ARHGAP8: variants seen among roughly 807,000 people sequenced by gnomAD.
ARHGAP8 encodes the protein Rho GTPase activating protein 8, also known as rho GTPase-activating protein 8.
ARHGAP8 carries 62 observed loss-of-function variants against 46.1 expected under a neutral mutation model. The ratio of observed to expected loss-of-function variants is 1.34; its 90% confidence interval spans 1.10 to 1.66. The LOEUF (loss-of-function observed/expected upper bound fraction) is 1.66. ARHGAP8 is among the 40% of genes most tolerant of loss of function. The probability of loss-of-function intolerance (pLI) is 0.00; values close to 1 mark genes in which losing one functional copy is unlikely to be tolerated. For missense variants in ARHGAP8, 923 were observed against 568.4 expected, an observed-to-expected ratio of 1.62 and a Z score of -6.34; for synonymous variants, 375 against 243.1, an observed-to-expected ratio of 1.54 and a Z score of -5.05.
chr22:44,859,952 C>A, intron 11 of ARHGAP8, 118 bp downstream of exon 11: 1 of 1,175,366 alleles, frequency 8.5e-7, no homozygotes, highest in Non-Finnish European at 1.2e-6. Flanking sequence ...GCTTGGGCCT[C>A]GGAATACCAC....
intron 4 of ARHGAP8, among the ~76,000 whole-genome samples, chr22:44,812,002 A>G (rs1176554511): frequency 3.3e-5 from 5 of 151,984 alleles, no homozygotes; most frequent in Non-Finnish European, 7.4e-5. Flanking sequence ...GTTTCAAAAA[A>G]AAAAAAAAAA....
At position 44,756,532 on chromosome 22, in the gene ARHGAP8, A is replaced by T. The variant is rs192187515; in HGVS notation, c.-72+3905A>T. On this transcript the variant is annotated intron_variant, in intron 1 of 11. Coordinates refer to ENST00000356099, the MANE Select transcript of ARHGAP8 (RefSeq NM_181335.3). ...CAATGAGCCGCCATCTCCCAGCGTC[A>T]ACTATAGCCACCCTGCAGCCAACCT... 3.0e-3 allele frequency among the ~76,000 whole-genome samples: 450 copies of T among 151,794 alleles called. 1 individual carries two copies. Among genetic ancestry groups the T allele is most frequent in the Non-Finnish European group, 5.1e-3 (346 of 67,926 alleles).
chr22:44,787,033 A>AC (rs1555911048), intron 2 of ARHGAP8, among the ~76,000 whole-genome samples: 55 of 92,232 alleles, frequency 6.0e-4, no homozygotes, highest in Non-Finnish European at 1.2e-3. Context: ...CTGTCTCAAA[A>AC]AAACAAAAAA....
intron 8 of ARHGAP8, among the ~76,000 whole-genome samples, chr22:44,845,952 G>A (rs2069944734): frequency 6.6e-6 from 1 of 152,176 alleles, no homozygotes; most frequent in Non-Finnish European, 1.5e-5. Context: ...AGGTGGGCCG[G>A]GTGGTCTCCA....
rs547551597 is a variant in ARHGAP8 at position 44,829,890 on chromosome 22, A to G, written c.596+4297A>G. ...AGAGGTCTTTGCTTGCCATCCCTGA[A>G]AAGGAAAAATGGAAACCTGAGGCCT... On this transcript the variant is annotated intron_variant, in intron 7 of 11. Transcript: ENST00000356099. Among the ~76,000 whole-genome samples, 9 of 152,264 alleles carry G rather than the reference A, an allele frequency of 5.9e-5. No homozygotes were observed. In the East Asian group the frequency reaches 1.3e-3, roughly 23 times the overall value.
chr22:44,776,406 C>T (rs1926421301), intron 1 of ARHGAP8, among the ~76,000 whole-genome samples: 1 of 151,374 alleles, frequency 6.6e-6, no homozygotes, highest in East Asian at 1.9e-4. Flanking sequence ...GAGCTGAGGT[C>T]GCGCCATTGC....
intron 1 of ARHGAP8, among the ~76,000 whole-genome samples, chr22:44,759,534 T>A (rs979018188): frequency 1.3e-5 from 2 of 151,978 alleles, no homozygotes; most frequent in African/African-American, 4.8e-5. Flanking sequence ...TGATCAGGGG[T>A]TAGCTATTCC....
At chr22:44,777,908 C>T (rs550639572) in intron 1 of ARHGAP8, among the ~76,000 whole-genome samples, 1 of 152,224 alleles carries the variant, frequency 6.6e-6, no homozygotes, top group South Asian at 2.1e-4. Context: ...GTTGGCTAGT[C>T]TGTTCTCAAA....
intron 10 of ARHGAP8, among the ~76,000 whole-genome samples, chr22:44,859,386 C>G (rs2285123): frequency 6.6e-6 from 1 of 152,146 alleles, no homozygotes; most frequent in South Asian, 2.1e-4. Flanking sequence ...GTTTTTGCCA[C>G]GTGATGCACC....
chr22:44,856,577 AAATTCTTGGGGCTACATC>A lies in ARHGAP8; in HGVS notation c.878-3153_878-3136del, dbSNP rs2070232228. 1.4e-5 allele frequency among the ~76,000 whole-genome samples: 2 copies of A among 146,412 alleles called. 1 individual carries two copies. The highest frequency in any genetic ancestry group is 5.3e-5 in the African/African-American group (2 of 37,538). On this transcript the variant is annotated intron_variant, in intron 10 of 11. Coordinates refer to ENST00000356099, the MANE Select transcript of ARHGAP8 (RefSeq NM_181335.3). The stretch of plus-strand genomic sequence containing the variant: ...GCGTGAGCCACCGCGCCCGGCCTGT[AAATTCTTGGGGCTACATC>A]CTGACCATTGGCTGTTCCCCCAGGC...
In ARHGAP8 at chr22:44,752,609, C is replaced by G. The variant is rs1182355361; in HGVS notation, c.-90C>G. On this transcript the variant is annotated 5_prime_UTR_variant, in exon 1 of 12. Transcript: ENST00000356099. Reference sequence around the variant, plus strand: ...GCAGACCCGGCACGCAGGTGGGGGCCGGCGGGGTCCGTGGCCAGGTAAGGC... The same window carrying G: ...GCAGACCCGGCACGCAGGTGGGGGCGGGCGGGGTCCGTGGCCAGGTAAGGC... 1.5e-5 allele frequency: 2 copies of G among 130,806 alleles called. No homozygotes were observed. The highest frequency in any genetic ancestry group is 1.6e-4 in the Admixed American group (2 of 12,538). The allele number at this position is 130,806 out of a possible 1,614,324, so 8.1% of individuals were successfully genotyped here. A position where few individuals can be genotyped will look rare whatever the true frequency, so the allele number is the denominator to read the frequency against.
intron 1 of ARHGAP8, among the ~76,000 whole-genome samples, chr22:44,779,563 G>GTTT: frequency 2.9e-5 from 1 of 34,694 alleles, no homozygotes; most frequent in African/African-American, 1.1e-4. Flanking sequence ...CCAGTTTGAG[G>GTTT]ATTTTTTTTT....
chr22:44,834,467 C>G lies in ARHGAP8; in HGVS notation c.596+8874C>G, dbSNP rs185110800. ...ATTTTATTTTATTATAATTAGATAA[C>G]TTACTTTGTATGATTTAACTTCTTT... On this transcript the variant is annotated intron_variant, in intron 7 of 11. Coordinates refer to ENST00000356099, the MANE Select transcript of ARHGAP8 (RefSeq NM_181335.3). Among the ~76,000 whole-genome samples, 1,007 of 152,108 alleles carry G rather than the reference C, an allele frequency of 6.6e-3. 14 individuals are homozygous for G. Among genetic ancestry groups the G allele is most frequent in the African/African-American group, 0.023 (968 of 41,512 alleles).
intron 7 of ARHGAP8, among the ~76,000 whole-genome samples, chr22:44,832,543 T>A (rs1027832559): frequency 6.6e-6 from 1 of 152,172 alleles, no homozygotes; most frequent in African/African-American, 2.4e-5. Flanking sequence ...TAATTTTTAA[T>A]CTATCTTTTT....
intron 3 of ARHGAP8, among the ~76,000 whole-genome samples, chr22:44,806,125 T>A (rs1423733171): frequency 6.6e-6 from 1 of 152,122 alleles, no homozygotes; most frequent in East Asian, 1.9e-4. Context: ...AATACAAAAG[T>A]GGCTATCCTG....
At chr22:44,848,078 C>T (rs200938197) in intron 9 of ARHGAP8, 28 bp downstream of exon 9, 11 of 1,602,572 alleles carry the variant, frequency 6.9e-6, no homozygotes, top group East Asian at 6.7e-5. Context: ...TCCTGAGCCC[C>T]GAGCTGCCTG....
chr22:44,759,123 G>A (rs552544100), intron 1 of ARHGAP8, among the ~76,000 whole-genome samples: 11 of 152,208 alleles, frequency 7.2e-5, no homozygotes, highest in Non-Finnish European at 1.6e-4. Flanking sequence ...AGGCCACGCT[G>A]GGCCTTGGAT....
chr22:44,862,371 C>G lies in ARHGAP8; in HGVS notation c.1078C>G (p.Leu360Val), dbSNP rs779509588. The change falls in exon 12 of 12, where the codon CTG (leucine) becomes GTG (valine). Residue 360 changes from leucine to valine, a missense_variant. Leu to Val is a conservative substitution (Grantham distance 32). Coordinates refer to ENST00000356099, the MANE Select transcript of ARHGAP8 (RefSeq NM_181335.3). The part of the protein sequence containing the change: ...LIWPSQGVSS[L>V]SALVPLNMFT... ...CTGGCCATCCCAGGGGGTCTCCTCC[C>G]TGAGTGCCCTTGTGCCCCTGAACAT... The G allele has an allele frequency of 4.3e-6, 7 of 1,614,142 alleles. No homozygotes were observed. The highest frequency in any genetic ancestry group is 5.1e-6 in the Non-Finnish European group (6 of 1,179,992).
rs4823388 is a variant in ARHGAP8, at chr22:44,831,105, G to T, written c.596+5512G>T. ...GTATGGTTTGCAGATGTTTTCTTCC[G>T]TCCTATGTGTTGTCTTTACACCTTT... On this transcript the variant is annotated intron_variant, in intron 7 of 11. Transcript: ENST00000356099. Among the ~76,000 whole-genome samples, 6 of 152,020 alleles carry T rather than the reference G, an allele frequency of 3.9e-5. 1 individual carries two copies.
Sources: allele counts gnomAD v4.1 joint callset (sites outside exome capture counted in the v4.1 genomes callset), GRCh38; gene constraint gnomAD v4.1.1; transcripts MANE v1.5; gene names NCBI Gene and HGNC (gene_info 2026-07-23, HGNC 2026-07-21).